Variants in CR1 observed in about 807,000 individuals in gnomAD.
CR1 encodes the protein complement receptor type 1.
Under a neutral mutation model 187.3 loss-of-function variants are expected in CR1, and 116 were observed. The observed-to-expected ratio is 0.62, with a 90% confidence interval of 0.53 to 0.72. The LOEUF is 0.72. Ranked by LOEUF, CR1 falls within the 30% of genes least tolerant of loss-of-function variation. CR1 has a pLI of 0.00. For synonymous variants in CR1, 576 were observed against 747.1 expected, an observed-to-expected ratio of 0.77 and a Z score of 3.73; for missense variants, 1,731 against 2,110.7, an observed-to-expected ratio of 0.82 and a Z score of 3.52.
intron 1 of CR1, among the ~76,000 whole-genome samples, chr1:207,504,950 G>A (rs760362126): frequency 1.3e-5 from 2 of 152,140 alleles, no homozygotes; most frequent in African/African-American, 2.4e-5. Flanking sequence ...ATTCTCATAG[G>A]AGCAGAAACC....
At chr1:207,625,345 T>G (rs1031000788) in intron 45 of CR1, among the ~76,000 whole-genome samples, 4 of 152,204 alleles carry the variant, frequency 2.6e-5, no homozygotes, top group African/African-American at 9.7e-5. Context: ...AAGATCATGA[T>G]CCTCGTTAGA....
At chr1:207,608,254 A>T (rs1661809272) in intron 36 of CR1, among the ~76,000 whole-genome samples, 1 of 152,156 alleles carries the variant, frequency 6.6e-6, no homozygotes, top group South Asian at 2.1e-4. Flanking sequence ...CACCAGGAGG[A>T]ATTAAAGGTT....
chr1:207,606,466 A>C (rs1486205579), intron 35 of CR1: 1 of 152,230 alleles, frequency 6.6e-6, no homozygotes, highest in Non-Finnish European at 1.5e-5. Flanking sequence ...CACATTTCTT[A>C]CATAATCAAG....
At chr1:207,615,071 A>G (rs755942609) in intron 40 of CR1, among the ~76,000 whole-genome samples, 2 of 152,132 alleles carry the variant, frequency 1.3e-5, no homozygotes, top group South Asian at 4.1e-4. Context: ...GGCCTCCAAA[A>G]GTGTTAGGAT....
At position 207,609,642 on chromosome 1, in the gene CR1, C is replaced by G. The variant is rs1473975413; in HGVS notation, c.6249C>G (p.Cys2083Trp). ...TGGTAGGGTCCCACACTGTGCAGTG[C>G]CAGACCAATGGCAGATGGGGGCCCA... ...FVMVGSHTVQ[C>W]QTNGRWGPKL... is the part of the protein sequence containing the mutation. Residue 2083 changes from cysteine to tryptophan, a missense_variant, in exon 37 of 47, where the codon TGC becomes TGG. By Grantham distance (215) the Cys-to-Trp change is radical. This residue lies in a region of CR1 where 1,312 missense variants were observed against 1,379.6 expected (regional missense o/e 0.95). Coordinates refer to ENST00000367049, the MANE Select transcript of CR1 (RefSeq NM_000651.6). 1 of 1,602,800 alleles carries G rather than the reference C, an allele frequency of 6.2e-7. No individual in the cohort carries two copies. Among genetic ancestry groups the G allele is most frequent in the Non-Finnish European group, 8.5e-7 (1 of 1,174,706 alleles).
In CR1 at chr1:207,511,742, G is replaced by A. The variant is rs149436925; in HGVS notation, c.487+88G>A. 8.2e-4 allele frequency: 1,057 copies of A among 1,290,832 alleles called. 8 individuals carry two copies. The African/African-American group carries it at 0.014, about 17-fold the overall frequency. The allele number at this position is 1,290,832 out of a possible 1,614,324, so 80.0% of individuals were successfully genotyped here. On this transcript the variant is annotated intron_variant, in intron 4 of 46. Coordinates refer to ENST00000367049, the MANE Select transcript of CR1 (RefSeq NM_000651.6). Reference sequence around the variant, plus strand: ...TAAAAATCTTAACTGAATTCCTTCTGTGCAATCTGTCCTTCACACGGCTGA... The same window carrying A: ...TAAAAATCTTAACTGAATTCCTTCTATGCAATCTGTCCTTCACACGGCTGA...
intron 40 of CR1, among the ~76,000 whole-genome samples, chr1:207,615,788 A>C (rs1203618364): frequency 6.6e-6 from 1 of 152,248 alleles, no homozygotes; most frequent in Non-Finnish European, 1.5e-5. Context: ...ATAGAGCTGA[A>C]AATAAATATA....
At position 207,592,653 on chromosome 1, in the gene CR1, T is replaced by C. The variant is rs142423829; in HGVS notation, c.5810+3879T>C. On this transcript the variant is annotated intron_variant, in intron 35 of 46. Coordinates refer to ENST00000367049, the MANE Select transcript of CR1 (RefSeq NM_000651.6). Reference sequence around the variant, plus strand: ...TCAAATAGGAAGAGAGGAAGTCAAATTGTCTCTGTTTGCATATGACATGAC... The same window carrying C: ...TCAAATAGGAAGAGAGGAAGTCAAACTGTCTCTGTTTGCATATGACATGAC... 2.5e-3 allele frequency among the ~76,000 whole-genome samples: 375 copies of C among 152,326 alleles called. 1 individual carries two copies. The highest frequency in any genetic ancestry group is 4.7e-3 in the Admixed American group (72 of 15,290).
intron 3 of CR1, 49 bp from the exon 4 acceptor site, chr1:207,511,519 TA>T (rs752209800): frequency 6.4e-7 from 1 of 1,554,590 alleles, no homozygotes; most frequent in Admixed American, 1.7e-5. Flanking sequence ...TTTAATTGGG[TA>T]GTTGACCTGT....
intron 34 of CR1, among the ~76,000 whole-genome samples, chr1:207,588,171 T>TTTTG (rs371101568): frequency 5.5e-4 from 83 of 152,260 alleles, no homozygotes; most frequent in Non-Finnish European, 8.5e-4. Flanking sequence ...CTGTTGTGTT[T>TTTTG]TTTGTTTGTT....
At chr1:207,589,679 A>C (rs2102356276) in intron 35 of CR1, among the ~76,000 whole-genome samples, 1 of 152,320 alleles carries the variant, frequency 6.6e-6, no homozygotes, top group East Asian at 1.9e-4. Context: ...GAGCTAAAGG[A>C]GCATGTTCTA....
chr1:207,596,039 C>CTATATATCTATATCTA (rs1228943873), intron 35 of CR1, among the ~76,000 whole-genome samples: 1 of 141,826 alleles, frequency 7.1e-6, no homozygotes, highest in African/African-American at 2.6e-5. Flanking sequence ...AGTATAAAAT[C>CTATATATCTATATCTA]TATATATCTA....
At chr1:207,574,214 A>G (rs1660664419) in intron 27 of CR1, among the ~76,000 whole-genome samples, 1 of 152,208 alleles carries the variant, frequency 6.6e-6, no homozygotes, top group South Asian at 2.1e-4. Flanking sequence ...GGGTAAGCAA[A>G]TAAGCCCATA....
At chr1:207,599,683 A>G (rs539755773) in intron 35 of CR1, among the ~76,000 whole-genome samples, 1 of 152,342 alleles carries the variant, frequency 6.6e-6, no homozygotes, top group Non-Finnish European at 1.5e-5. Flanking sequence ...TGAATGGGTG[A>G]CCATGTTGTG....
In CR1 at chr1:207,641,387, G is replaced by C. The variant is rs1662981921; in HGVS notation, c.*1978G>C. 1 of 152,120 alleles carries C rather than the reference G, an allele frequency of 6.6e-6. No individual in the cohort carries two copies. The highest frequency in any genetic ancestry group is 2.1e-4 in the South Asian group (1 of 4,824). The allele number at this position is 152,120 out of a possible 1,614,324, so 9.4% of individuals were successfully genotyped here. A position where few individuals can be genotyped will look rare whatever the true frequency, so the allele number is the denominator to read the frequency against. ...GACAGGGTCTTGCTCTGTTACCCAG[G>C]CTGGAGTGCAGTGGTGCTATCTAGG... On this transcript the variant is annotated 3_prime_UTR_variant, in exon 47 of 47. Coordinates refer to ENST00000367049, the MANE Select transcript of CR1 (RefSeq NM_000651.6).
chr1:207,512,507 G>T (rs1454574293), intron 4 of CR1, among the ~76,000 whole-genome samples: 1 of 152,192 alleles, frequency 6.6e-6, no homozygotes, highest in African/African-American at 2.4e-5. Context: ...GCCAGGCTGA[G>T]GCTGAGAGAA....
chr1:207,634,783 T>A (rs1186545935), intron 46 of CR1, among the ~76,000 whole-genome samples: 1 of 152,108 alleles, frequency 6.6e-6, no homozygotes, highest in African/African-American at 2.4e-5. Context: ...GAGGAGGACA[T>A]GCTTTCTGAA....
chr1:207,633,201 C>T (rs1662704439), intron 46 of CR1, among the ~76,000 whole-genome samples: 1 of 152,148 alleles, frequency 6.6e-6, no homozygotes, highest in Admixed American at 6.6e-5. Context: ...CAACTCTAGT[C>T]CAAAATGATA....
chr1:207,520,968 G>GTTTTTTTTTTTTTTTTTTTTTTT (rs141546660), intron 4 of CR1, among the ~76,000 whole-genome samples: 5 of 44,568 alleles, frequency 1.1e-4, no homozygotes, highest in Non-Finnish European at 1.9e-4. Context: ...TTTTTTGGTT[G>GTTTTTTTTTTTTTTTTTTTTTTT]TTTTTTTTTT....
Sources: gnomAD v4.1 joint callset for allele counts (sites outside exome capture counted in the v4.1 genomes callset) on GRCh38, gnomAD v4.1.1 for gene constraint, gnomAD v4.1.1 regional missense constraint, MANE v1.5 for transcripts, NCBI Gene and HGNC (gene_info 2026-07-23, HGNC 2026-07-21) for gene names.